CACUL1: variants seen among roughly 807,000 people sequenced by gnomAD.
CACUL1 encodes the protein CDK2-associated and cullin domain-containing protein 1.
CACUL1 carries 13 observed loss-of-function variants against 45.2 expected under a neutral mutation model. That is an observed-to-expected ratio of 0.29 (90% CI 0.19 to 0.46). The LOEUF (loss-of-function observed/expected upper bound fraction) is 0.46. Among genes scored for constraint, CACUL1 ranks in the 20% least tolerant of loss-of-function variants. The pLI is 1.00. For missense variants in CACUL1, 421 were observed against 471.4 expected (o/e 0.89, Z 0.99); for synonymous variants, 197 against 174.2 (o/e 1.13, Z -1.03).
At chr10:118,704,106 T>C (rs1223144444) in intron 4 of CACUL1, among the ~76,000 whole-genome samples, 1 of 151,990 alleles carries the variant, frequency 6.6e-6, no homozygotes, top group East Asian at 1.9e-4. Context: ...AGGTAGTGGC[T>C]AGGTGGTCGT....
Position 118,683,848 on chromosome 10 carries a change from T to TTAAAC in CACUL1, c.*2275_*2279dup, listed in dbSNP as rs1845180015. Reference sequence around the variant, plus strand: ...ATAAATAAGCAAAGTCTATTTCAACTTAAACAGGTCCTTCAAACTGTGATG... The same window carrying TTAAAC: ...ATAAATAAGCAAAGTCTATTTCAACTTAAACTAAACAGGTCCTTCAAACTGTGATG... On this transcript the variant is annotated 3_prime_UTR_variant, in exon 9 of 9. Coordinates refer to ENST00000369151, the MANE Select transcript of CACUL1 (RefSeq NM_153810.5). 6.6e-6 allele frequency: 1 copy of TTAAAC among 151,998 alleles called. No homozygotes were observed. Among genetic ancestry groups the TTAAAC allele is most frequent in the Non-Finnish European group, 1.5e-5 (1 of 67,884 alleles). 9.4% of individuals were successfully genotyped at this position (151,998 alleles called of 1,614,324 possible).
chr10:118,720,669 CAT>C (rs1193067708), intron 3 of CACUL1, among the ~76,000 whole-genome samples: 4 of 152,288 alleles, frequency 2.6e-5, no homozygotes, highest in African/African-American at 9.6e-5. Context: ...GTAAAGCCAG[CAT>C]ATGTTTTTGT....
intron 1 of CACUL1, among the ~76,000 whole-genome samples, chr10:118,732,258 A>T (rs1845704350): frequency 6.6e-6 from 1 of 152,236 alleles, no homozygotes; most frequent in Non-Finnish European, 1.5e-5. Context: ...AAGATATTTT[A>T]AAAACAGAGT....
rs376537194 is a variant in CACUL1, at chr10:118,743,250, C to G, written c.367+11146G>C. Among the ~76,000 whole-genome samples the G allele has an allele frequency of 3.0e-3, 463 of 151,858 alleles. 2 individuals carry two copies. The highest frequency in any genetic ancestry group is 0.011 in the African/African-American group (443 of 41,434). On this transcript the variant is annotated intron_variant, in intron 1 of 8. Transcript: ENST00000369151. ...ACCTCAGTGACTCATGGTACAATAA[C>G]AAGTGTTATAACATATGTGTAACTA...
intron 6 of CACUL1, chr10:118,692,340 C>T (rs1845280083): frequency 6.6e-6 from 1 of 151,804 alleles, no homozygotes; most frequent in Admixed American, 6.6e-5. Flanking sequence ...AAAGAAGTCA[C>T]AAGAAAACAC....
chr10:118,695,209 G>T lies in CACUL1; in HGVS notation c.818C>A (p.Ser273Ter). 6.2e-7 allele frequency: 1 copy of T among 1,604,584 alleles called. No homozygotes were observed. Among genetic ancestry groups the T allele is most frequent in the South Asian group, 1.1e-5 (1 of 90,806 alleles). ...TGAAGGTGTGACCTGAAATGGTGTT[G>T]ACTGGGCTTCTAAAAGTAAAGCTGA... is the stretch of plus-strand genomic sequence containing the variant. ...SLMPLLLEAQSTPFQVTPSTM... is the reference protein window; with the variant it reads ...SLMPLLLEAQ The change falls in exon 6 of 9, where the codon TCA becomes TAA. Residue 273 changes from serine to a stop codon, truncating the protein, a stop_gained. Coordinates refer to ENST00000369151, the MANE Select transcript of CACUL1 (RefSeq NM_153810.5). LOFTEE classifies it high-confidence loss of function.
intron 3 of CACUL1, 133 bp downstream of exon 3, chr10:118,729,162 C>T (rs568170461): frequency 1.6e-5 from 10 of 632,988 alleles, no homozygotes; most frequent in African/African-American, 1.5e-4. Flanking sequence ...ATTTGATCAA[C>T]ATTCACCTAG....
intron 4 of CACUL1, among the ~76,000 whole-genome samples, chr10:118,706,799 G>A (rs1221885723): frequency 6.6e-6 from 1 of 152,138 alleles, no homozygotes; most frequent in Non-Finnish European, 1.5e-5. Flanking sequence ...AAAGACAGGG[G>A]TAGTTTTGTT....
intron 3 of CACUL1, among the ~76,000 whole-genome samples, chr10:118,721,302 AT>A (rs974925067): frequency 2.6e-5 from 4 of 152,234 alleles, no homozygotes; most frequent in African/African-American, 9.6e-5. Context: ...GGCAGTAAAG[AT>A]TTTATATGCA....
intron 5 of CACUL1, among the ~76,000 whole-genome samples, chr10:118,699,737 C>T (rs1314405962): frequency 2.6e-5 from 4 of 152,080 alleles, no homozygotes; most frequent in African/African-American, 9.7e-5. Flanking sequence ...CTCCGCATCC[C>T]GGGTTCACGC....
chr10:118,747,387 T>C (rs1481331625), intron 1 of CACUL1, among the ~76,000 whole-genome samples: 2 of 152,060 alleles, frequency 1.3e-5, no homozygotes, highest in Non-Finnish European at 2.9e-5. Flanking sequence ...CAGTAATATA[T>C]AAGCAAGGAA....
intron 1 of CACUL1, among the ~76,000 whole-genome samples, chr10:118,731,463 C>T (rs1845697389): frequency 6.6e-6 from 1 of 152,154 alleles, no homozygotes; most frequent in African/African-American, 2.4e-5. Context: ...TCAATACTTT[C>T]TTTAAATCAA....
chr10:118,711,099 A>G (rs1039674078), intron 3 of CACUL1, among the ~76,000 whole-genome samples: 24 of 152,342 alleles, frequency 1.6e-4, no homozygotes, highest in Admixed American at 1.2e-3. Flanking sequence ...TTTGTTTTTG[A>G]GATGGAGTCT....
chr10:118,709,907 T>C (rs914968209), intron 3 of CACUL1, among the ~76,000 whole-genome samples: 2 of 148,666 alleles, frequency 1.3e-5, no homozygotes, highest in Non-Finnish European at 3.0e-5. Context: ...TAAATTATTA[T>C]TTTTTTTTGT....
rs1845151705 is a variant in CACUL1 at position 118,681,416 on chromosome 10, A to C, written c.*4712T>G. 1 of 152,220 alleles carries C rather than the reference A, an allele frequency of 6.6e-6. No homozygotes were observed. Among genetic ancestry groups the C allele is most frequent in the Non-Finnish European group, 1.5e-5 (1 of 68,044 alleles). The allele number at this position is 152,220 out of a possible 1,614,324, so 9.4% of individuals were successfully genotyped here. A position where few individuals can be genotyped will look rare whatever the true frequency, so the allele number is the denominator to read the frequency against. Reference sequence around the variant, plus strand: ...TGACAAATAGAACTAATGAGAGTGAACTGCCATCTGTTTAACAAAACGCAC... The same window carrying C: ...TGACAAATAGAACTAATGAGAGTGACCTGCCATCTGTTTAACAAAACGCAC... On this transcript the variant is annotated 3_prime_UTR_variant, in exon 9 of 9. Transcript: ENST00000369151.
chr10:118,695,547 T>C (rs1845314370), intron 5 of CACUL1, among the ~76,000 whole-genome samples: 1 of 152,210 alleles, frequency 6.6e-6, no homozygotes. Context: ...AGTGCTTCCA[T>C]TACATTTGGA....
intron 6 of CACUL1, chr10:118,692,289 A>G (rs902485050): frequency 2.6e-4 from 40 of 152,204 alleles, no homozygotes; most frequent in African/African-American, 9.4e-4. Flanking sequence ...GTGGTTATCA[A>G]ATCATTTTTT....
rs998823116 is a variant in CACUL1 at position 118,677,251 on chromosome 10, T to A, written c.*8877A>T. 1.4e-4 allele frequency: 20 copies of A among 144,914 alleles called. No homozygotes were observed. Among genetic ancestry groups the A allele is most frequent in the African/African-American group, 5.1e-4 (19 of 37,308 alleles). 9.0% of individuals were successfully genotyped at this position (144,914 alleles called of 1,614,324 possible). ...TTTTAATTTAATTGCACTTAGAAAG[T>A]GATTTTTTTTGGTACAGCAAGTTCC... On this transcript the variant is annotated 3_prime_UTR_variant, in exon 9 of 9. Transcript: ENST00000369151.
In CACUL1 at chr10:118,691,522, A is replaced by G. The variant is rs1004050984; in HGVS notation, c.887-119T>C. On this transcript the variant is annotated intron_variant, in intron 6 of 8. Coordinates refer to ENST00000369151, the MANE Select transcript of CACUL1 (RefSeq NM_153810.5). ...CCAAATTTAAGCAGGGGAAAAAATT[A>G]GTGCAATCCCATTCTGGTAAAGAAC... is the stretch of plus-strand genomic sequence containing the variant. The G allele has an allele frequency of 1.7e-5, 14 of 840,708 alleles. No individual in the cohort carries two copies. The African/African-American group carries it at 1.9e-4, about 11-fold the overall frequency. The allele number at this position is 840,708 out of a possible 1,614,324, so 52.1% of individuals were successfully genotyped here.
Sources: gnomAD v4.1 joint callset for allele counts (sites outside exome capture counted in the v4.1 genomes callset) on GRCh38, gnomAD v4.1.1 for gene constraint, MANE v1.5 for transcripts, NCBI Gene and HGNC (gene_info 2026-07-23, HGNC 2026-07-21) for gene names.